The following ZBTB20 variants were observed in gnomAD, a reference collection of about 807,000 sequenced individuals.
ZBTB20 encodes the protein zinc finger and BTB domain containing 20, also known as zinc finger and BTB domain-containing protein 20.
In ZBTB20, 9 loss-of-function variants were observed where a neutral mutation model predicts 56.9. The observed-to-expected ratio is 0.16, with a 90% CI of 0.10 to 0.28. The LOEUF is 0.28. ZBTB20 is among the 10% of genes least tolerant of loss of function. The pLI, the probability that ZBTB20 is intolerant of heterozygous loss-of-function variation, is 1.00. For missense variants in ZBTB20, 655 were observed against 1,003.0 expected (o/e 0.65, Z 4.69); for synonymous variants, 417 against 420.7 (o/e 0.99, Z 0.11).
chr3:114,865,895 A>G (rs1305854573), intron 4 of ZBTB20, among the ~76,000 whole-genome samples: 1 of 152,230 alleles, frequency 6.6e-6, no homozygotes, highest in East Asian at 1.9e-4. Flanking sequence ...ACTAAAGTAC[A>G]GATAAGTTAA....
chr3:114,690,936 G>A (rs879040801), intron 6 of ZBTB20, among the ~76,000 whole-genome samples: 1 of 152,068 alleles, frequency 6.6e-6, no homozygotes, highest in Admixed American at 6.6e-5. Context: ...TTCAACACAT[G>A]CTTAAACCCA....
At chr3:115,043,626 TAA>T (rs1295327316) in intron 2 of ZBTB20, among the ~76,000 whole-genome samples, 1 of 111,104 alleles carries the variant, frequency 9.0e-6, no homozygotes, top group South Asian at 2.9e-4. Flanking sequence ...TAAAATAAAA[TAA>T]AATAATAAAA....
chr3:114,984,200 T>C (rs1017829982), intron 2 of ZBTB20, among the ~76,000 whole-genome samples: 19 of 152,038 alleles, frequency 1.2e-4, no homozygotes, highest in East Asian at 1.9e-4. Context: ...TTTTCAGTTA[T>C]TGAGCCTGGC....
At chr3:114,522,105 A>G (rs914144665) in intron 6 of ZBTB20, among the ~76,000 whole-genome samples, 1 of 152,186 alleles carries the variant, frequency 6.6e-6, no homozygotes, top group African/African-American at 2.4e-5. Context: ...AAATGTGTAA[A>G]TAAAATATAT....
intron 2 of ZBTB20, among the ~76,000 whole-genome samples, chr3:115,028,175 G>C (rs1178778969): frequency 6.6e-6 from 1 of 150,544 alleles, no homozygotes; most frequent in African/African-American, 2.4e-5. Context: ...TTAAACCCCA[G>C]TTTTAATAGA....
At chr3:114,442,200 A>G (rs574256753) in intron 7 of ZBTB20, among the ~76,000 whole-genome samples, 4 of 152,138 alleles carry the variant, frequency 2.6e-5, no homozygotes, top group Non-Finnish European at 4.4e-5. Context: ...TTAACTATCC[A>G]TCTCTACAGC....
At chr3:114,978,713 T>C (rs2078208934) in intron 2 of ZBTB20, among the ~76,000 whole-genome samples, 1 of 151,854 alleles carries the variant, frequency 6.6e-6, no homozygotes, top group Admixed American at 6.6e-5. Flanking sequence ...AAAAAGTATG[T>C]ATGTGACTGT....
Position 115,131,101 on chromosome 3 carries a change from T to C in ZBTB20, c.-703+16118A>G, listed in dbSNP as rs570535142. 2.0e-5 allele frequency among the ~76,000 whole-genome samples: 3 copies of C among 152,276 alleles called. No individual in the cohort carries two copies. The South Asian group carries it at 6.2e-4, about 32-fold the overall frequency. On this transcript the variant is annotated intron_variant, in intron 1 of 11. Coordinates refer to ENST00000675478, the MANE Select transcript of ZBTB20 (RefSeq NM_001348800.3). ...TGCATTTATATTCAAATATACCTAA[T>C]TTTAATAAAATACATAAGTGGGGTT...
intron 5 of ZBTB20, among the ~76,000 whole-genome samples, chr3:114,738,466 T>C (rs1411727532): frequency 6.6e-6 from 1 of 152,184 alleles, no homozygotes; most frequent in Non-Finnish European, 1.5e-5. Flanking sequence ...TGAAATAAGA[T>C]AGATTTTCTT....
Position 114,380,759 on chromosome 3 carries a change from T to C in ZBTB20, c.11+18A>G. ...GGAGTTTTAACATGGTCTGGAAAAATACTAGTGGAAGTTTTACCGTTCTAG... is the reference window on the plus strand; with the variant it reads ...GGAGTTTTAACATGGTCTGGAAAAACACTAGTGGAAGTTTTACCGTTCTAG... On this transcript the variant is annotated intron_variant, in intron 9 of 11. Coordinates refer to ENST00000675478, the MANE Select transcript of ZBTB20 (RefSeq NM_001348800.3). The C allele has an allele frequency of 6.7e-7, 1 of 1,501,452 alleles. No individual in the cohort carries two copies. Among genetic ancestry groups the C allele is most frequent in the Non-Finnish European group, 8.8e-7 (1 of 1,134,272 alleles). 93.0% of individuals were successfully genotyped at this position (1,501,452 alleles called of 1,614,324 possible). A position where few individuals can be genotyped will look rare whatever the true frequency, so the allele number is the denominator to read the frequency against.
At chr3:114,753,732 C>T (rs1449716691) in intron 5 of ZBTB20, among the ~76,000 whole-genome samples, 2 of 152,014 alleles carry the variant, frequency 1.3e-5, no homozygotes, top group Non-Finnish European at 2.9e-5. Context: ...CCACACCCAG[C>T]CACATTTATA....
chr3:115,050,984 C>A (rs2081526102), intron 2 of ZBTB20, among the ~76,000 whole-genome samples: 1 of 152,034 alleles, frequency 6.6e-6, no homozygotes. Flanking sequence ...GCACAATCTT[C>A]AATTTCAGGT....
chr3:114,586,726 G>T (rs1197289070), intron 6 of ZBTB20, among the ~76,000 whole-genome samples: 1 of 152,230 alleles, frequency 6.6e-6, no homozygotes, highest in Non-Finnish European at 1.5e-5. Context: ...AAGAATTCAA[G>T]ATCCTCTCAT....
intron 10 of ZBTB20, among the ~76,000 whole-genome samples, chr3:114,378,025 T>A (rs2083863567): frequency 6.6e-6 from 1 of 152,038 alleles, no homozygotes; most frequent in Non-Finnish European, 1.5e-5. Flanking sequence ...TAGTTCTAAA[T>A]AGGAACTGAA....
chr3:114,925,612 T>C (rs955614090), intron 3 of ZBTB20, among the ~76,000 whole-genome samples: 8 of 152,086 alleles, frequency 5.3e-5, no homozygotes, highest in African/African-American at 1.4e-4. Context: ...CTGCAACCTC[T>C]GCCTCCTGGG....
At chr3:115,124,174 G>A (rs2084258684) in intron 1 of ZBTB20, among the ~76,000 whole-genome samples, 1 of 152,166 alleles carries the variant, frequency 6.6e-6, no homozygotes, top group African/African-American at 2.4e-5. Context: ...ATACAAAGTT[G>A]CTAAAAAGTA....
intron 4 of ZBTB20, among the ~76,000 whole-genome samples, chr3:114,876,079 T>C (rs1388279062): frequency 1.3e-5 from 2 of 151,634 alleles, no homozygotes; most frequent in Non-Finnish European, 2.9e-5. Flanking sequence ...TACAAAATTT[T>C]TTTTAAAATT....
chr3:114,473,884 T>C (rs2040432897), intron 7 of ZBTB20, among the ~76,000 whole-genome samples: 1 of 152,186 alleles, frequency 6.6e-6, no homozygotes, highest in Non-Finnish European at 1.5e-5. Context: ...ACACAGTGTA[T>C]GAGTCCATTT....
intron 1 of ZBTB20, among the ~76,000 whole-genome samples, chr3:115,106,391 G>A (rs867950365): frequency 1.3e-5 from 2 of 151,304 alleles, no homozygotes; most frequent in Admixed American, 6.6e-5. Flanking sequence ...CCGCCACCAC[G>A]CCCAGCTAAT....
Sources: allele counts gnomAD v4.1 joint callset (sites outside exome capture counted in the v4.1 genomes callset), GRCh38; gene constraint gnomAD v4.1.1; transcripts MANE v1.5; gene names NCBI Gene and HGNC (gene_info 2026-07-23, HGNC 2026-07-21).